The following SLC6A5 variants were observed in gnomAD, a reference collection of about 807,000 sequenced individuals.
SLC6A5 encodes the protein solute carrier family 6 member 5.
In SLC6A5, 58 loss-of-function variants were observed where a neutral mutation model predicts 90.5. The ratio of observed to expected loss-of-function variants is 0.64; its 90% CI spans 0.52 to 0.80. The LOEUF is 0.80. Among genes scored for constraint, SLC6A5 ranks in the 30% least tolerant of loss-of-function variants. SLC6A5 has a pLI of 0.00. For synonymous variants in SLC6A5, 427 were observed against 401.4 expected, an observed-to-expected ratio of 1.06 and a Z score of -0.76; for missense variants, 1,015 against 1,017.6, an observed-to-expected ratio of 1.00 and a Z score of 0.03.
rs2133827675 is a variant in SLC6A5, at chr11:20,654,798, AC to A, written c.2328del (p.Leu777TrpfsTer12). ...HRGERYKNMI[D>X]PLGTSSLGLK... ...GGGGAGCGTTACAAGAACATGATCG[AC>A]CCCTTGGGAACCTCTTCCTTGGGAC... On this transcript the variant is annotated frameshift_variant, in exon 16 of 16. Transcript: ENST00000525748. LOFTEE classifies it high-confidence loss of function. 1 of 1,613,988 alleles carries A rather than the reference AC, an allele frequency of 6.2e-7. No homozygotes were observed. Among genetic ancestry groups the A allele is most frequent in the Admixed American group, 1.7e-5 (1 of 59,978 alleles).
At chr11:20,605,226 C>T (rs558530439) in intron 3 of SLC6A5, among the ~76,000 whole-genome samples, 107 of 152,310 alleles carry the variant, frequency 7.0e-4, no homozygotes, top group African/African-American at 2.5e-3. Flanking sequence ...AGCCCCGTCC[C>T]ACATCTTCTC....
At position 20,619,369 on chromosome 11, in the gene SLC6A5, CT is replaced by C. The variant is rs370026724; in HGVS notation, c.1260+1487del. On this transcript the variant is annotated intron_variant, in intron 7 of 15. Transcript: ENST00000525748. ...TTTTTGATTACAGCTTTTATTAGTGCTTGCTTTTCATGTCATGTAGTTCCAC... is the reference window on the plus strand; with the variant it reads ...TTTTTGATTACAGCTTTTATTAGTGCTGCTTTTCATGTCATGTAGTTCCAC... Among the ~76,000 whole-genome samples the C allele has an allele frequency of 1.4e-3, 211 of 152,296 alleles. 1 individual carries two copies. The highest frequency in any genetic ancestry group is 4.9e-3 in the African/African-American group (205 of 41,564).
At chr11:20,611,125 C>T (rs1256254540) in intron 5 of SLC6A5, among the ~76,000 whole-genome samples, 2 of 152,172 alleles carry the variant, frequency 1.3e-5, no homozygotes, top group Non-Finnish European at 2.9e-5. Flanking sequence ...AAGCAGATCC[C>T]GAATTCCAGC....
At chr11:20,641,184 T>C (rs1853306154) in intron 13 of SLC6A5, among the ~76,000 whole-genome samples, 2 of 152,220 alleles carry the variant, frequency 1.3e-5, no homozygotes, top group African/African-American at 2.4e-5. Flanking sequence ...GCATTTTTTC[T>C]GGAGCCAGTA....
intron 14 of SLC6A5, among the ~76,000 whole-genome samples, chr11:20,650,742 C>T (rs1853512460): frequency 6.9e-6 from 1 of 145,900 alleles, no homozygotes; most frequent in Admixed American, 7.3e-5. Flanking sequence ...TCTCGGCTCA[C>T]TGCAAGCTCC....
At position 20,657,465 on chromosome 11, in the gene SLC6A5, A is replaced by T. The variant is rs1482811343; in HGVS notation, c.*2597A>T. The T allele has an allele frequency of 2.0e-5, 3 of 152,198 alleles. No individual in the cohort carries two copies. Among genetic ancestry groups the T allele is most frequent in the Non-Finnish European group, 4.4e-5 (3 of 68,038 alleles). The allele number at this position is 152,198 out of a possible 1,614,324, so 9.4% of individuals were successfully genotyped here. A position where few individuals can be genotyped will look rare whatever the true frequency, so the allele number is the denominator to read the frequency against. ...TGTTTAAAGGGACACGCTTAGGTGAAAGGTTCCAAATTTACCTGGAAATGG... is the reference window on the plus strand; with the variant it reads ...TGTTTAAAGGGACACGCTTAGGTGATAGGTTCCAAATTTACCTGGAAATGG... On this transcript the variant is annotated 3_prime_UTR_variant, in exon 16 of 16. Coordinates refer to ENST00000525748, the MANE Select transcript of SLC6A5 (RefSeq NM_004211.5).
chr11:20,632,925 G>A (rs912986628), intron 10 of SLC6A5, among the ~76,000 whole-genome samples: 14 of 152,142 alleles, frequency 9.2e-5, no homozygotes, highest in African/African-American at 3.4e-4. Flanking sequence ...TTCTAAAAGA[G>A]GCATTTCTAC....
At chr11:20,616,100 C>G (rs889624312) in intron 6 of SLC6A5, among the ~76,000 whole-genome samples, 4 of 152,182 alleles carry the variant, frequency 2.6e-5, no homozygotes, top group Admixed American at 6.5e-5. Context: ...TAGATGACGA[C>G]AAATGATTGC....
chr11:20,636,242 C>T lies in SLC6A5; in HGVS notation c.1625-65C>T. On this transcript the variant is annotated intron_variant, in intron 10 of 15. Transcript: ENST00000525748. ...AGGATCTCAGCAGAGAGAAGGCCCT[C>T]TGGGCTCTGGGAAGAGCAGCCTTGA... 9.3e-6 allele frequency: 9 copies of T among 964,828 alleles called. No homozygotes were observed. The Admixed American group carries it at 1.2e-4, about 13-fold the overall frequency. The allele number at this position is 964,828 out of a possible 1,614,324, so 59.8% of individuals were successfully genotyped here.
intron 8 of SLC6A5, 149 bp from the exon 9 acceptor site, chr11:20,627,830 GA>G (rs748040513): frequency 8.7e-6 from 6 of 690,626 alleles, no homozygotes; most frequent in Non-Finnish European, 1.1e-5. Context: ...CAGCACAAGT[GA>G]TTTATGTTCT....
chr11:20,604,301 G>A lies in SLC6A5; in HGVS notation c.556G>A (p.Asp186Asn). 6.2e-7 allele frequency: 1 copy of A among 1,612,644 alleles called. No individual in the cohort carries two copies. Among genetic ancestry groups the A allele is most frequent in the Non-Finnish European group, 8.5e-7 (1 of 1,178,972 alleles). Reference sequence around the variant, plus strand: ...CCGCCCCCAGGAGGACGAGCAAGGGGATGAGAATAAGGCCCGAGGGAACTG... The same window carrying A: ...CCGCCCCCAGGAGGACGAGCAAGGGAATGAGAATAAGGCCCGAGGGAACTG... ...TVATQEDEQG[D>N]ENKARGNWSS... The change falls in exon 3 of 16, where the codon GAT becomes AAT. Residue 186 changes from aspartate to asparagine, a missense_variant. Physicochemically the swap from Asp to Asn is conservative, Grantham distance 23 (BLOSUM62 1). This residue lies in a region of SLC6A5 where 567 missense variants were observed against 507.3 expected (regional missense o/e 1.12). Transcript: ENST00000525748.
At position 20,601,195 on chromosome 11, in the gene SLC6A5, G is replaced by C. The variant is rs1490292313; in HGVS notation, c.70G>C (p.Gly24Arg). The C allele has an allele frequency of 6.3e-7, 1 of 1,587,070 alleles. No individual in the cohort carries two copies. Among genetic ancestry groups the C allele is most frequent in the Non-Finnish European group, 8.5e-7 (1 of 1,174,520 alleles). Residue 24 changes from glycine (G) to arginine (R), a missense_variant, in exon 2 of 16, where the codon GGC becomes CGC. Physicochemically the swap from Gly to Arg is moderately radical, Grantham distance 125. This residue lies in a region of SLC6A5 where 567 missense variants were observed against 507.3 expected (regional missense o/e 1.12). Transcript: ENST00000525748. ...CAGCCCGGAGGCGGCGGCGGCGCAGGGCCACCCGGATGGCCCATGCGCTCC... is the reference window on the plus strand; with the variant it reads ...CAGCCCGGAGGCGGCGGCGGCGCAGCGCCACCCGGATGGCCCATGCGCTCC... ...ANSPEAAAAQ[G>R]HPDGPCAPRT...
Position 20,607,476 on chromosome 11 carries a change from C to A in SLC6A5, c.812-3C>A. On this transcript the variant is annotated splice_polypyrimidine_tract_variant and splice_region_variant and intron_variant, in intron 4 of 15. Transcript: ENST00000525748. ...TGAACCCCTGGAATTTTTGCTTCTGCAGGCTGTGGCATCGCGATGCTGATC... is the reference window on the plus strand; with the variant it reads ...TGAACCCCTGGAATTTTTGCTTCTGAAGGCTGTGGCATCGCGATGCTGATC... 6.2e-7 allele frequency: 1 copy of A among 1,614,142 alleles called. No homozygotes were observed. Among genetic ancestry groups the A allele is most frequent in the Non-Finnish European group, 8.5e-7 (1 of 1,180,000 alleles).
chr11:20,644,691 G>C (rs989506770), intron 13 of SLC6A5, among the ~76,000 whole-genome samples: 2 of 152,132 alleles, frequency 1.3e-5, no homozygotes, highest in Admixed American at 6.5e-5. Flanking sequence ...CAGTGTACTA[G>C]GGTTACTTTT....
At chr11:20,647,137 A>C (rs1300505160) in intron 14 of SLC6A5, among the ~76,000 whole-genome samples, 2 of 151,434 alleles carry the variant, frequency 1.3e-5, no homozygotes, top group Non-Finnish European at 2.9e-5. Context: ...CTAGCAGGTC[A>C]GGTGCAGAGC....
chr11:20,610,346 A>G (rs1852670615), intron 5 of SLC6A5, among the ~76,000 whole-genome samples: 1 of 152,204 alleles, frequency 6.6e-6, no homozygotes, highest in South Asian at 2.1e-4. Flanking sequence ...CTGCGGAGCG[A>G]GCGAGCGGGG....
chr11:20,622,952 G>A (rs1187665968), intron 7 of SLC6A5, among the ~76,000 whole-genome samples: 1 of 152,184 alleles, frequency 6.6e-6, no homozygotes, highest in Non-Finnish European at 1.5e-5. Context: ...TGACAGCTGT[G>A]AGGCCAGCCC....
intron 5 of SLC6A5, among the ~76,000 whole-genome samples, chr11:20,612,622 ATCC>A (rs1852714416): frequency 1.3e-5 from 2 of 152,278 alleles, no homozygotes; most frequent in Admixed American, 6.5e-5. Flanking sequence ...GGCTTAAGCA[ATCC>A]TCCTCCCTCA....
chr11:20,647,183 TATGGCACATTTCCC>T (rs1853432449), intron 14 of SLC6A5, among the ~76,000 whole-genome samples: 1 of 148,622 alleles, frequency 6.7e-6, no homozygotes, highest in Admixed American at 6.8e-5. Flanking sequence ...GAACATTTCC[TATGGCACATTTCCC>T]ATTATATCAG....
Sources: gnomAD v4.1 joint callset for allele counts (sites outside exome capture counted in the v4.1 genomes callset) on GRCh38, gnomAD v4.1.1 for gene constraint, gnomAD v4.1.1 regional missense constraint, MANE v1.5 for transcripts, NCBI Gene and HGNC (gene_info 2026-07-23, HGNC 2026-07-21) for gene names.